Variants in PRKCE observed in about 807,000 individuals in gnomAD.
PRKCE encodes the protein protein kinase C epsilon type.
Under a neutral mutation model 85.4 loss-of-function variants are expected in PRKCE, and 16 were observed. The ratio of observed to expected loss-of-function variants is 0.19; its 90% CI spans 0.13 to 0.28. The LOEUF is 0.28. Among genes scored for constraint, PRKCE ranks in the 10% least tolerant of loss-of-function variants. The pLI, the probability that PRKCE is intolerant of heterozygous loss-of-function variation, is 1.00. For synonymous variants in PRKCE, 388 were observed against 371.5 expected, an observed-to-expected ratio of 1.04 and a Z score of -0.51; for missense variants, 573 against 975.2, an observed-to-expected ratio of 0.59 and a Z score of 5.49.
At chr2:45,830,226 C>T (rs1422281783) in intron 1 of PRKCE, among the ~76,000 whole-genome samples, 1 of 151,952 alleles carries the variant, frequency 6.6e-6, no homozygotes, top group African/African-American at 2.4e-5. Context: ...CAGATCCCAC[C>T]ATCTAACCCT....
intron 11 of PRKCE, among the ~76,000 whole-genome samples, chr2:46,105,243 T>A (rs1395319453): frequency 6.6e-6 from 1 of 152,194 alleles, no homozygotes; most frequent in Non-Finnish European, 1.5e-5. Context: ...CAGCTTTAGA[T>A]CCTTCACCTT....
At chr2:45,762,103 A>T (rs1419390371) in intron 1 of PRKCE, among the ~76,000 whole-genome samples, 2 of 152,092 alleles carry the variant, frequency 1.3e-5, no homozygotes, top group East Asian at 3.9e-4. Context: ...CACCACCACC[A>T]TTTTATCGTA....
chr2:45,959,900 C>T (rs1452109569), intron 2 of PRKCE, among the ~76,000 whole-genome samples: 8 of 152,112 alleles, frequency 5.3e-5, no homozygotes, highest in South Asian at 2.1e-4. Context: ...TTTAATTTTC[C>T]GGGTTTTATT....
intron 2 of PRKCE, among the ~76,000 whole-genome samples, chr2:45,962,138 G>A (rs1458175232): frequency 6.6e-6 from 1 of 152,248 alleles, no homozygotes; most frequent in East Asian, 1.9e-4. Flanking sequence ...GATTAGGAAA[G>A]TGACACTTTC....
At chr2:45,867,309 G>A (rs1693690694) in intron 2 of PRKCE, among the ~76,000 whole-genome samples, 1 of 152,196 alleles carries the variant, frequency 6.6e-6, no homozygotes, top group Admixed American at 6.5e-5. Flanking sequence ...ACAAAAACCT[G>A]GGAGGCACAA....
At chr2:46,137,678 G>GC (rs913960008) in intron 11 of PRKCE, among the ~76,000 whole-genome samples, 1 of 150,530 alleles carries the variant, frequency 6.6e-6, no homozygotes, top group African/African-American at 2.4e-5. Flanking sequence ...CAGGAGAATC[G>GC]CTTGATCCTG....
intron 1 of PRKCE, among the ~76,000 whole-genome samples, chr2:45,702,549 G>T (rs570857820): frequency 2.6e-5 from 4 of 152,282 alleles, no homozygotes; most frequent in South Asian, 2.1e-4. Context: ...CCTCCTGAAG[G>T]CTGATTGTTG....
chr2:45,663,870 A>G (rs1675793678), intron 1 of PRKCE, among the ~76,000 whole-genome samples: 1 of 152,190 alleles, frequency 6.6e-6, no homozygotes. Context: ...TTAAAGTAGG[A>G]ATGCACTCCA....
intron 1 of PRKCE, among the ~76,000 whole-genome samples, chr2:45,712,762 C>T (rs1361660128): frequency 2.0e-5 from 3 of 152,136 alleles, no homozygotes; most frequent in Non-Finnish European, 4.4e-5. Context: ...CTCCTCTGGG[C>T]TTCCATCTGC....
chr2:46,017,050 G>C (rs1367841467), intron 10 of PRKCE, among the ~76,000 whole-genome samples: 2 of 146,678 alleles, frequency 1.4e-5, no homozygotes, highest in South Asian at 2.1e-4. Context: ...TTGTTATTGT[G>C]GTAAAATACA....
chr2:45,934,944 C>A (rs570922757), intron 2 of PRKCE, among the ~76,000 whole-genome samples: 2 of 151,780 alleles, frequency 1.3e-5, no homozygotes, highest in Non-Finnish European at 2.9e-5. Context: ...GCCTGTAGTC[C>A]CAGCTACTTG....
chr2:46,060,686 C>T (rs867340626), intron 10 of PRKCE, among the ~76,000 whole-genome samples: 2 of 151,984 alleles, frequency 1.3e-5, no homozygotes, highest in South Asian at 4.2e-4. Flanking sequence ...GTCCATCCCA[C>T]TCACCCAAAG....
At chr2:45,811,606 A>C (rs1164290426) in intron 1 of PRKCE, among the ~76,000 whole-genome samples, 1 of 152,214 alleles carries the variant, frequency 6.6e-6, no homozygotes, top group Non-Finnish European at 1.5e-5. Context: ...GATAAAATAA[A>C]AGTCACCATC....
chr2:45,918,640 T>C (rs776066830), intron 2 of PRKCE, among the ~76,000 whole-genome samples: 1 of 152,206 alleles, frequency 6.6e-6, no homozygotes, highest in Non-Finnish European at 1.5e-5. Context: ...TCTGAAGCTT[T>C]ATGGTTGTAT....
chr2:45,887,390 G>A (rs535872317), intron 2 of PRKCE, among the ~76,000 whole-genome samples: 2 of 121,354 alleles, frequency 1.6e-5, no homozygotes, highest in African/African-American at 6.2e-5. Flanking sequence ...AGGTTCAGTT[G>A]TAGAAAGCAG....
rs1704977341 is a variant in PRKCE, at chr2:46,004,303, G to A, written c.967-239G>A. On this transcript the variant is annotated intron_variant, in intron 7 of 14. Transcript: ENST00000306156. This position sits in a 1 kb window ranked among gnomAD's most constrained non-coding sequence, Gnocchi z 4.1. ...TGAGGGGAAGACATCATCCTTCTGT[G>A]AATGTAGGGAAGGTGCACTGAAATT... 1.3e-5 allele frequency: 6 copies of A among 452,006 alleles called. No individual in the cohort carries two copies. The highest frequency in any genetic ancestry group is 2.1e-5 in the South Asian group (1 of 47,348). 28.0% of individuals were successfully genotyped at this position (452,006 alleles called of 1,614,324 possible).
At position 46,001,770 on chromosome 2, in the gene PRKCE, G is replaced by C. The variant is rs1425129220; in HGVS notation, c.966+224G>C. Among the ~76,000 whole-genome samples the C allele has an allele frequency of 2.0e-5, 3 of 152,184 alleles. No homozygotes were observed. Among genetic ancestry groups the C allele is most frequent in the Non-Finnish European group, 4.4e-5 (3 of 68,020 alleles). On this transcript the variant is annotated intron_variant, in intron 7 of 14. Transcript: ENST00000306156. The surrounding 1 kb of genome is among the most constrained non-coding windows in gnomAD (Gnocchi z 4.4). Reference sequence around the variant, plus strand: ...ACTGAAAACACAGCAAGCCTCAAGGGTTACGTTTGCCAAAGAAACATAAAC... The same window carrying C: ...ACTGAAAACACAGCAAGCCTCAAGGCTTACGTTTGCCAAAGAAACATAAAC...
chr2:46,135,053 A>G (rs942590979), intron 11 of PRKCE, among the ~76,000 whole-genome samples: 1 of 152,150 alleles, frequency 6.6e-6, no homozygotes, highest in African/African-American at 2.4e-5. Context: ...TATTTTTTCT[A>G]TTGGCGGGAT....
chr2:45,970,125 T>C (rs1463105118), intron 2 of PRKCE, among the ~76,000 whole-genome samples: 1 of 152,232 alleles, frequency 6.6e-6, no homozygotes, highest in African/African-American at 2.4e-5. Flanking sequence ...AGTCTCTGTG[T>C]CTTGTGATAC....
Sources: gnomAD v4.1 joint callset for allele counts (sites outside exome capture counted in the v4.1 genomes callset) on GRCh38, gnomAD v4.1.1 for gene constraint, Gnocchi (gnomAD v3.1) non-coding constraint, MANE v1.5 for transcripts, NCBI Gene and HGNC (gene_info 2026-07-23, HGNC 2026-07-21) for gene names.